PPIL2: variants seen among roughly 807,000 people sequenced by gnomAD.
The protein encoded by PPIL2 is RING-type E3 ubiquitin-protein ligase PPIL2.
In PPIL2, 50 loss-of-function variants were observed where a neutral mutation model predicts 75.2. That is an observed-to-expected ratio of 0.66 (90% CI 0.53 to 0.84). PPIL2 has a LOEUF of 0.84. Ranked by LOEUF, PPIL2 falls within the 40% of genes least tolerant of loss-of-function variation. The pLI, the probability that PPIL2 is intolerant of heterozygous loss-of-function variation, is 0.00. For missense variants in PPIL2, 590 were observed against 685.0 expected, an observed-to-expected ratio of 0.86 and a Z score of 1.55; for synonymous variants, 245 against 258.8, an observed-to-expected ratio of 0.95 and a Z score of 0.51.
At chr22:21,677,069 C>T (rs1427998493) in intron 6 of PPIL2, among the ~76,000 whole-genome samples, 9 of 150,914 alleles carry the variant, frequency 6.0e-5, no homozygotes, top group African/African-American at 1.2e-4. Context: ...GGCTGCCGGG[C>T]GGAGACGCTC....
Position 21,686,936 on chromosome 22 carries a change from A to G in PPIL2, c.835A>G (p.Lys279Glu). The G allele has an allele frequency of 6.2e-7, 1 of 1,614,066 alleles. No homozygotes were observed. Reference sequence around the variant, plus strand: ...GCTGCGCTACCAGTTTGTGAAGAAGAAGGGCTACGTGCGGCTGCACACCAA... The same window carrying G: ...GCTGCGCTACCAGTTTGTGAAGAAGGAGGGCTACGTGCGGCTGCACACCAA... ...DVLRYQFVKK[K>E]GYVRLHTNKG... The change falls in exon 12 of 20, where the codon AAG becomes GAG. Residue 279 changes from lysine to glutamate, a missense_variant. Physicochemically the swap from Lys to Glu is moderately conservative, Grantham distance 56. Coordinates refer to ENST00000398831, the MANE Select transcript of PPIL2 (RefSeq NM_014337.4).
In PPIL2 at chr22:21,669,974, A is replaced by G. The variant is rs1325855187; in HGVS notation, c.82+12A>G. ...TGGCAAGAAGCCAGGTAAGGCATGC[A>G]GTCTTTCTGTTCCCCGTTGGGGGAG... On this transcript the variant is annotated intron_variant, in intron 2 of 19. Coordinates refer to ENST00000398831, the MANE Select transcript of PPIL2 (RefSeq NM_014337.4). The G allele has an allele frequency of 2.5e-6, 4 of 1,611,018 alleles. No homozygotes were observed. Among genetic ancestry groups the G allele is most frequent in the Non-Finnish European group, 3.4e-6 (4 of 1,177,238 alleles).
Position 21,697,044 on chromosome 22 carries a change from T to C in PPIL2, c.*1554T>C, listed in dbSNP as rs2067965892. Reference sequence around the variant, plus strand: ...GCCTGTCATCCCTGTCTGTGACCATTGGTCGGGCCCCTGGGCTCTAGAGTG... The same window carrying C: ...GCCTGTCATCCCTGTCTGTGACCATCGGTCGGGCCCCTGGGCTCTAGAGTG... On this transcript the variant is annotated 3_prime_UTR_variant, in exon 20 of 20. Coordinates refer to ENST00000398831, the MANE Select transcript of PPIL2 (RefSeq NM_014337.4). The C allele has an allele frequency of 3.3e-6, 5 of 1,511,892 alleles. No individual in the cohort carries two copies. Among genetic ancestry groups the C allele is most frequent in the Non-Finnish European group, 4.5e-6 (5 of 1,120,268 alleles). The allele number at this position is 1,511,892 out of a possible 1,614,324, so 93.7% of individuals were successfully genotyped here.
chr22:21,666,954 T>C (rs1214582589), intron 1 of PPIL2, among the ~76,000 whole-genome samples: 2 of 152,114 alleles, frequency 1.3e-5, no homozygotes, highest in Non-Finnish European at 2.9e-5. Flanking sequence ...TTGAAACCAC[T>C]CAAGTCAGAA....
chr22:21,691,106 G>C lies in PPIL2; in HGVS notation c.1139+2257G>C, dbSNP rs576080014. ...TTACAGACGCCCACCACCACACCAG[G>C]ATAATTTTTTGTACTTTAGTAGAGA... On this transcript the variant is annotated intron_variant, in intron 15 of 19. Transcript: ENST00000398831. Among the ~76,000 whole-genome samples the C allele has an allele frequency of 4.2e-4, 41 of 98,250 alleles. 1 individual carries two copies. The South Asian group carries it at 0.012, about 30-fold the overall frequency. 64.5% of individuals were successfully genotyped at this position (98,250 alleles called of 152,430 possible).
intron 12 of PPIL2, among the ~76,000 whole-genome samples, chr22:21,687,300 G>T (rs553791899): frequency 6.6e-6 from 1 of 152,284 alleles, no homozygotes; most frequent in South Asian, 2.1e-4. Context: ...GCTTAATGTT[G>T]TGGGTCCATC....
Position 21,686,542 on chromosome 22 carries a change from G to T in PPIL2, c.774G>T (p.Glu258Asp). Residue 258 changes from glutamate to aspartate, a missense_variant, in exon 11 of 20, where the codon GAG becomes GAT. Physicochemically the swap from Glu to Asp is conservative, Grantham distance 45. Coordinates refer to ENST00000398831, the MANE Select transcript of PPIL2 (RefSeq NM_014337.4). Reference sequence around the variant, plus strand: ...TCACCTCCACCGCGATGGTCCCGGAGACCACACATGAAGCAGGTAGCCACC... The same window carrying T: ...TCACCTCCACCGCGATGGTCCCGGATACCACACATGAAGCAGGTAGCCACC... Reference protein sequence around the residue: ...ASFTSTAMVPETTHEAAAIDE... With the variant: ...ASFTSTAMVPDTTHEAAAIDE... The T allele has an allele frequency of 6.2e-7, 1 of 1,614,106 alleles. No individual in the cohort carries two copies. The highest frequency in any genetic ancestry group is 1.1e-5 in the South Asian group (1 of 91,076).
In PPIL2 at chr22:21,694,744, T is replaced by C. The variant is rs767913351; in HGVS notation, c.1270-11T>C. 66 of 1,610,584 alleles carry C rather than the reference T, an allele frequency of 4.1e-5. No homozygotes were observed. The highest frequency in any genetic ancestry group is 4.0e-4 in the South Asian group (36 of 90,830). ...AGGACCTGCCGTGCACTGAGCCCCC[T>C]TTGCTGCTAGGAGGAGATCCGCATT... On this transcript the variant is annotated splice_polypyrimidine_tract_variant and intron_variant, in intron 17 of 19. Transcript: ENST00000398831.
chr22:21,686,042 G>A (rs861832), intron 10 of PPIL2, among the ~76,000 whole-genome samples: 20,573 of 151,902 alleles, frequency 0.14, 1,539 homozygotes, highest in Non-Finnish European at 0.16. Flanking sequence ...TGCGCCTGTC[G>A]TCCCAGCTAC....
Position 21,695,475 on chromosome 22 carries a change from C to G in PPIL2, c.1548C>G (p.Asp516Glu). ...AGAAGCCCAGTCGGGGTTTTGGGGA[C>G]TTCAGCTCCTGGTAGCAGCAGGTTG... ...SKKKPSRGFG[D>E]FSSW The change falls in exon 20 of 20, where the codon GAC becomes GAG. Residue 516 changes from aspartate (D) to glutamate (E), a missense_variant. Physicochemically the swap from Asp to Glu is conservative, Grantham distance 45 (BLOSUM62 2). Coordinates refer to ENST00000398831, the MANE Select transcript of PPIL2 (RefSeq NM_014337.4). 1 of 1,601,212 alleles carries G rather than the reference C, an allele frequency of 6.2e-7. No individual in the cohort carries two copies. The highest frequency in any genetic ancestry group is 1.1e-5 in the South Asian group (1 of 88,722).
chr22:21,681,285 T>TGC lies in PPIL2; in HGVS notation c.296-13_296-12dup, dbSNP rs1334995972. ...CAGAGGTGACTGGCCTCCCTGTGTG[T>TGC]GCCTTCTCTCTAGGGAAGTACCACT... is the stretch of plus-strand genomic sequence containing the variant. On this transcript the variant is annotated splice_polypyrimidine_tract_variant and intron_variant, in intron 6 of 19. Transcript: ENST00000398831. 1.9e-6 allele frequency: 3 copies of TGC among 1,600,450 alleles called. No homozygotes were observed. The highest frequency in any genetic ancestry group is 2.6e-6 in the Non-Finnish European group (3 of 1,167,534).
chr22:21,692,923 C>CTCA (rs1347588200), intron 15 of PPIL2, among the ~76,000 whole-genome samples: 3 of 144,892 alleles, frequency 2.1e-5, no homozygotes, highest in Non-Finnish European at 4.5e-5. Context: ...AAGATTCCAT[C>CTCA]TCAAAAAAAA....
At chr22:21,681,067 G>A (rs995573223) in intron 6 of PPIL2, among the ~76,000 whole-genome samples, 3 of 152,102 alleles carry the variant, frequency 2.0e-5, no homozygotes, top group African/African-American at 4.8e-5. Flanking sequence ...TGAGGAAGAC[G>A]ATGCCGGGAT....
chr22:21,666,287 G>C (rs991387053), intron 1 of PPIL2, among the ~76,000 whole-genome samples, 156 bp downstream of exon 1: 2 of 152,084 alleles, frequency 1.3e-5, no homozygotes, highest in Non-Finnish European at 2.9e-5. Context: ...TCCAGTCAGG[G>C]TAATGACCCT....
Position 21,686,532 on chromosome 22 carries a change from T to C in PPIL2, c.764T>C (p.Met255Thr). ...AGCGCTTCCTTCACCTCCACCGCGA[T>C]GGTCCCGGAGACCACACATGAAGCA... ...KVSASFTSTA[M>T]VPETTHEAAA... is the part of the protein sequence containing the mutation. The change falls in exon 11 of 20, where the codon ATG (methionine) becomes ACG (threonine). Residue 255 changes from methionine (M) to threonine (T), a missense_variant. By Grantham distance (81) the Met-to-Thr change is moderately conservative. Transcript: ENST00000398831. 1 of 1,614,182 alleles carries C rather than the reference T, an allele frequency of 6.2e-7. No homozygotes were observed. Among genetic ancestry groups the C allele is most frequent in the East Asian group, 2.2e-5 (1 of 44,874 alleles).
At chr22:21,680,399 T>C (rs1669116) in intron 6 of PPIL2, among the ~76,000 whole-genome samples, 83,373 of 151,852 alleles carry the variant, frequency 0.55, 23,210 homozygotes, top group Non-Finnish European at 0.6. Context: ...TGGTGACGCA[T>C]GCATGCCTGT....
intron 7 of PPIL2, 65 bp from the exon 8 acceptor site, chr22:21,682,372 T>G: frequency 2.8e-6 from 4 of 1,424,172 alleles, no homozygotes; most frequent in Non-Finnish European, 4.0e-6. Context: ...CAGGCCTCCC[T>G]GCTTGCAGTC....
In PPIL2 at chr22:21,696,575, AG is replaced by A; in HGVS notation, c.*1087del. ...CTGGCTTTTTCTTCGTCTTCAGCCC[AG>A]GCCAGTGGTCAGTGTTCTCATGTCA... On this transcript the variant is annotated 3_prime_UTR_variant, in exon 20 of 20. Coordinates refer to ENST00000398831, the MANE Select transcript of PPIL2 (RefSeq NM_014337.4). The A allele has an allele frequency of 1.4e-6, 2 of 1,420,496 alleles. No individual in the cohort carries two copies. The highest frequency in any genetic ancestry group is 1.8e-6 in the Non-Finnish European group (2 of 1,088,932). The allele number at this position is 1,420,496 out of a possible 1,614,324, so 88.0% of individuals were successfully genotyped here. A position where few individuals can be genotyped will look rare whatever the true frequency, so the allele number is the denominator to read the frequency against.
At chr22:21,679,863 A>G (rs1647710) in intron 6 of PPIL2, among the ~76,000 whole-genome samples, 86,227 of 151,158 alleles carry the variant, frequency 0.57, 24,851 homozygotes, top group Non-Finnish European at 0.61. Context: ...CAAGGTGGGC[A>G]GATCACGAGA....
Sources: allele counts gnomAD v4.1 joint callset (sites outside exome capture counted in the v4.1 genomes callset), GRCh38; gene constraint gnomAD v4.1.1; transcripts MANE v1.5; gene names NCBI Gene and HGNC (gene_info 2026-07-23, HGNC 2026-07-21).